Variants in HNRNPH3 observed in about 807,000 individuals in gnomAD.
HNRNPH3 encodes the protein heterogeneous nuclear ribonucleoprotein 2H9.
A neutral mutation model predicts 47.0 loss-of-function variants in HNRNPH3; 7 were observed. That is an observed-to-expected ratio of 0.15 (90% CI 0.08 to 0.28). The LOEUF (loss-of-function observed/expected upper bound fraction) is 0.28. HNRNPH3 is among the 10% of genes least tolerant of loss of function. The probability of loss-of-function intolerance (pLI) is 1.00; values close to 1 mark genes in which losing one functional copy is unlikely to be tolerated. For missense variants in HNRNPH3, 279 were observed against 449.6 expected (o/e 0.62, Z 3.43); for synonymous variants, 120 against 143.2 (o/e 0.84, Z 1.16).
Position 68,341,768 on chromosome 10 carries a change from G to A in HNRNPH3, c.881G>A (p.Gly294Glu). The A allele has an allele frequency of 6.2e-7, 1 of 1,603,016 alleles. No individual in the cohort carries two copies. Among genetic ancestry groups the A allele is most frequent in the African/African-American group, 1.3e-5 (1 of 74,080 alleles). The change falls in exon 9 of 10, where the codon GGA becomes GAA. Residue 294 changes from glycine (G) to glutamate (E), a missense_variant. Around this residue, in one of 2 missense-constraint regions of HNRNPH3, gnomAD observed 239 missense variants for 335.8 expected, o/e 0.71. Coordinates refer to ENST00000265866, the MANE Select transcript of HNRNPH3 (RefSeq NM_012207.3). Reference protein sequence around the residue: ...GYGRDGMDNQGGYGSVGRMGM... With the variant: ...GYGRDGMDNQEGYGSVGRMGM... Reference sequence around the variant, plus strand: ...TTTTTTCTTTTTAAAGATAATCAGGGAGGCTATGGATCAGTTGGAAGAATG... The same window carrying A: ...TTTTTTCTTTTTAAAGATAATCAGGAAGGCTATGGATCAGTTGGAAGAATG...
At chr10:68,335,697 A>G (rs1028802514) in intron 1 of HNRNPH3, among the ~76,000 whole-genome samples, 1 of 152,140 alleles carries the variant, frequency 6.6e-6, no homozygotes, top group Non-Finnish European at 1.5e-5. Flanking sequence ...TCCAGTAACA[A>G]TTGCCATCAG....
At chr10:68,334,581 T>C (rs1288830084) in intron 1 of HNRNPH3, among the ~76,000 whole-genome samples, 1 of 152,230 alleles carries the variant, frequency 6.6e-6, no homozygotes, top group Non-Finnish European at 1.5e-5. Context: ...TTCCCATTGC[T>C]GGCATCCTCC....
chr10:68,340,196 C>G (rs1054753941), intron 6 of HNRNPH3, among the ~76,000 whole-genome samples: 2 of 152,150 alleles, frequency 1.3e-5, no homozygotes, highest in Non-Finnish European at 2.9e-5. Context: ...CCCACCACTC[C>G]TGGCTAACTT....
intron 6 of HNRNPH3, 34 bp downstream of exon 6, chr10:68,339,589 T>C (rs1016731689): frequency 3.1e-6 from 4 of 1,307,248 alleles, no homozygotes; most frequent in African/African-American, 1.5e-5. Flanking sequence ...AGTGGTTTTA[T>C]ACTTATCCTG....
At position 68,340,319 on chromosome 10, in the gene HNRNPH3, C is replaced by T. The variant is rs139895616; in HGVS notation, c.639+764C>T. Among the ~76,000 whole-genome samples the T allele has an allele frequency of 1.1e-4, 16 of 152,264 alleles. No homozygotes were observed. The Middle Eastern group carries it at 0.01, about 97-fold the overall frequency. ...CTGGGATTACAGGCGTGAGCCACTG[C>T]GCCTGACCTGTATTAGGGTTTGAAA... On this transcript the variant is annotated intron_variant, in intron 6 of 9. Coordinates refer to ENST00000265866, the MANE Select transcript of HNRNPH3 (RefSeq NM_012207.3).
intron 1 of HNRNPH3, among the ~76,000 whole-genome samples, chr10:68,332,613 T>G (rs917388812): frequency 4.0e-5 from 6 of 151,614 alleles, no homozygotes; most frequent in Non-Finnish European, 7.4e-5. Flanking sequence ...GAGGGGGTGG[T>G]CAAAGCTCCC....
At chr10:68,335,099 C>T (rs906267332) in intron 1 of HNRNPH3, among the ~76,000 whole-genome samples, 5 of 150,416 alleles carry the variant, frequency 3.3e-5, no homozygotes, top group African/African-American at 7.3e-5. Flanking sequence ...TTACAGATAA[C>T]ACTGATAACA....
At chr10:68,335,498 T>C (rs982248280) in intron 1 of HNRNPH3, among the ~76,000 whole-genome samples, 1 of 151,962 alleles carries the variant, frequency 6.6e-6, no homozygotes, top group Non-Finnish European at 1.5e-5. Flanking sequence ...CCAAACTGGA[T>C]TGGGGCCGCC....
At chr10:68,338,131 T>G in intron 3 of HNRNPH3, 135 bp downstream of exon 3, 1 of 627,208 alleles carries the variant, frequency 1.6e-6, no homozygotes, top group Non-Finnish European at 2.6e-6. Context: ...TAAATTTAAC[T>G]TGGAAACTAC....
At chr10:68,331,881 A>G (rs1589686355), upstream of HNRNPH3, 3 of 152,310 alleles carry the variant, frequency 2.0e-5, no homozygotes, top group Non-Finnish European at 4.4e-5. Context: ...TTTAACTGGA[A>G]CAGCCTCTGC....
chr10:68,341,345 A>G, intron 7 of HNRNPH3, 36 bp downstream of exon 7: 1 of 1,576,564 alleles, frequency 6.3e-7, no homozygotes, highest in Non-Finnish European at 8.6e-7. Flanking sequence ...CTTATTTCCT[A>G]AACGTGAATT....
chr10:68,341,193 C>T lies in HNRNPH3; in HGVS notation c.659C>T (p.Pro220Leu). 6.3e-7 allele frequency: 1 copy of T among 1,578,622 alleles called. No individual in the cohort carries two copies. The highest frequency in any genetic ancestry group is 8.6e-7 in the Non-Finnish European group (1 of 1,167,772). Residue 220 changes from proline to leucine, a missense_variant, in exon 7 of 10, where the codon CCA becomes CTA. Physicochemically the swap from Pro to Leu is moderately conservative, Grantham distance 98. Around this residue, in one of 2 missense-constraint regions of HNRNPH3, gnomAD observed 239 missense variants for 335.8 expected, o/e 0.71. Coordinates refer to ENST00000265866, the MANE Select transcript of HNRNPH3 (RefSeq NM_012207.3). ...DIANFFSPLN[P>L]IRVHIDIGAD... The stretch of plus-strand genomic sequence containing the variant: ...ATTTAGTTCTTCTCACCACTAAATC[C>T]AATACGAGTTCATATTGATATTGGA...
chr10:68,341,744 TTTTTC>T lies in HNRNPH3; in HGVS notation c.872-10_872-6del. ...ATCGATGAGTCTCAATTTTTTTTCT[TTTTTC>T]TTTTTAAAGATAATCAGGGAGGCTA... On this transcript the variant is annotated splice_polypyrimidine_tract_variant and intron_variant, in intron 8 of 9. Coordinates refer to ENST00000265866, the MANE Select transcript of HNRNPH3 (RefSeq NM_012207.3). 6.3e-7 allele frequency: 1 copy of T among 1,591,728 alleles called. No homozygotes were observed. The highest frequency in any genetic ancestry group is 8.5e-7 in the Non-Finnish European group (1 of 1,172,120).
chr10:68,331,878 G>A (rs1031389906), upstream of HNRNPH3: 5 of 152,368 alleles, frequency 3.3e-5, no homozygotes, highest in Non-Finnish European at 5.9e-5. Context: ...CTCTTTAACT[G>A]GAACAGCCTC....
intron 6 of HNRNPH3, among the ~76,000 whole-genome samples, chr10:68,340,411 G>C (rs2045829065): frequency 6.6e-6 from 1 of 152,200 alleles, no homozygotes; most frequent in Admixed American, 6.5e-5. Context: ...AGAAACTGAG[G>C]AGTTGGAAAT....
chr10:68,332,544 C>T (rs961935861), intron 1 of HNRNPH3, among the ~76,000 whole-genome samples: 17 of 152,264 alleles, frequency 1.1e-4, no homozygotes, highest in African/African-American at 3.4e-4. Context: ...TCCCGCCCTT[C>T]CCCGCTCTTT....
chr10:68,340,504 T>G (rs1262620535), intron 6 of HNRNPH3, among the ~76,000 whole-genome samples: 1 of 152,212 alleles, frequency 6.6e-6, no homozygotes, highest in Non-Finnish European at 1.5e-5. Flanking sequence ...CTTCAGTCCA[T>G]GGGCTAAATC....
chr10:68,342,707 AC>A lies in HNRNPH3; in HGVS notation c.*657del, dbSNP rs1273542265. The A allele has an allele frequency of 6.6e-6, 1 of 152,522 alleles. No individual in the cohort carries two copies. The highest frequency in any genetic ancestry group is 2.4e-5 in the African/African-American group (1 of 41,404). The allele number at this position is 152,522 out of a possible 1,614,324, so 9.4% of individuals were successfully genotyped here. A position where few individuals can be genotyped will look rare whatever the true frequency, so the allele number is the denominator to read the frequency against. On this transcript the variant is annotated 3_prime_UTR_variant, in exon 10 of 10. Transcript: ENST00000265866. The stretch of plus-strand genomic sequence containing the variant: ...TTCTAGCCCTAGATTTTGGAGTAAA[AC>A]CCCTTCAGCACTTGACCGAAATACC...
chr10:68,338,902 A>T, intron 4 of HNRNPH3: 1 of 526,906 alleles, frequency 1.9e-6, no homozygotes, highest in Non-Finnish European at 3.3e-6. Context: ...AGATGTTGGC[A>T]TATTTTGACC....
Sources: allele counts gnomAD v4.1 joint callset (sites outside exome capture counted in the v4.1 genomes callset), GRCh38; gene constraint gnomAD v4.1.1; regional missense constraint gnomAD v4.1.1; transcripts MANE v1.5; gene names NCBI Gene and HGNC (gene_info 2026-07-23, HGNC 2026-07-21).